Variants in GRID2 observed in about 807,000 individuals in gnomAD.
GRID2 encodes the protein glutamate ionotropic receptor delta type subunit 2, also known as glutamate receptor ionotropic, delta-2.
In GRID2, 33 loss-of-function variants were observed where a neutral mutation model predicts 114.8. The observed-to-expected ratio is 0.29, with a 90% CI of 0.22 to 0.38. The LOEUF is 0.38. GRID2 is among the 10% of genes least tolerant of loss of function. The probability of loss-of-function intolerance (pLI) is 1.00; values close to 1 mark genes in which losing one functional copy is unlikely to be tolerated. For synonymous variants in GRID2, 505 were observed against 449.9 expected (o/e 1.12, Z -1.55); for missense variants, 1,184 against 1,257.7 (o/e 0.94, Z 0.89).
chr4:93,277,277 T>C (rs1222187665), intron 8 of GRID2, among the ~76,000 whole-genome samples: 1 of 151,994 alleles, frequency 6.6e-6, no homozygotes, highest in Non-Finnish European at 1.5e-5. Flanking sequence ...CTGATAATTG[T>C]AACACAATGA....
At chr4:93,024,602 A>G (rs1723710168) in intron 2 of GRID2, among the ~76,000 whole-genome samples, 1 of 151,770 alleles carries the variant, frequency 6.6e-6, no homozygotes, top group Admixed American at 6.6e-5. Flanking sequence ...TATTTTATAT[A>G]TTTTAAAGGT....
chr4:93,222,148 C>T (rs555054433), intron 6 of GRID2, among the ~76,000 whole-genome samples: 15 of 151,998 alleles, frequency 9.9e-5, no homozygotes, highest in East Asian at 1.9e-4. Context: ...AAATAAATTA[C>T]GGGGAAAAAT....
intron 14 of GRID2, among the ~76,000 whole-genome samples, chr4:93,656,061 T>A (rs1722964158): frequency 3.3e-5 from 5 of 151,760 alleles, no homozygotes. Context: ...TATATATATA[T>A]AAATGTATCT....
At chr4:92,927,117 G>A (rs1294702908) in intron 2 of GRID2, among the ~76,000 whole-genome samples, 1 of 151,824 alleles carries the variant, frequency 6.6e-6, no homozygotes, top group Non-Finnish European at 1.5e-5. Context: ...TTATGAACTT[G>A]GAGATAAACC....
intron 2 of GRID2, among the ~76,000 whole-genome samples, chr4:92,819,097 C>A (rs543239358): frequency 7.4e-4 from 112 of 152,110 alleles, no homozygotes; most frequent in African/African-American, 2.6e-3. Flanking sequence ...AACTAGGCAA[C>A]TTTACTCCCA....
At chr4:92,769,840 C>G (rs1738453618) in intron 2 of GRID2, among the ~76,000 whole-genome samples, 2 of 152,158 alleles carry the variant, frequency 1.3e-5, no homozygotes, top group African/African-American at 4.8e-5. Context: ...ATTTATTTCT[C>G]TTAGGCCTTC....
chr4:92,938,332 T>C (rs1250970355), intron 2 of GRID2, among the ~76,000 whole-genome samples: 1 of 146,750 alleles, frequency 6.8e-6, no homozygotes, highest in Non-Finnish European at 1.5e-5. Context: ...TGGCCCATCT[T>C]TCTGGTTTTG....
intron 1 of GRID2, among the ~76,000 whole-genome samples, chr4:92,491,091 T>C (rs1225301347): frequency 6.6e-6 from 1 of 152,188 alleles, no homozygotes; most frequent in Non-Finnish European, 1.5e-5. Context: ...GTAGATCTTA[T>C]ATATCACTGC....
At chr4:93,106,449 C>T (rs1397516109) in intron 3 of GRID2, among the ~76,000 whole-genome samples, 3 of 152,082 alleles carry the variant, frequency 2.0e-5, no homozygotes, top group African/African-American at 7.2e-5. Flanking sequence ...TGGGTTCAAG[C>T]GATTCTCCTG....
intron 14 of GRID2, among the ~76,000 whole-genome samples, chr4:93,680,701 A>C (rs1451633043): frequency 6.6e-6 from 1 of 151,674 alleles, no homozygotes; most frequent in Non-Finnish European, 1.5e-5. Context: ...CAATAGATGC[A>C]GAAAAGGCCT....
At chr4:93,236,056 A>G (rs180915735) in intron 7 of GRID2, among the ~76,000 whole-genome samples, 15 of 152,248 alleles carry the variant, frequency 9.9e-5, no homozygotes, top group Non-Finnish European at 1.5e-5. Context: ...ATTATGAACA[A>G]GAAAAACTTG....
chr4:93,216,682 T>G, intron 5 of GRID2, 56 bp from the exon 6 acceptor site: 1 of 1,111,326 alleles, frequency 9.0e-7, no homozygotes, highest in Non-Finnish European at 1.3e-6. Context: ...CATAATAGGT[T>G]TGTGTTTTGT....
chr4:92,733,181 C>T (rs184769118), intron 2 of GRID2, among the ~76,000 whole-genome samples: 15 of 152,180 alleles, frequency 9.9e-5, no homozygotes, highest in Admixed American at 2.6e-4. Flanking sequence ...GCTACTGTAT[C>T]ACAGCACATT....
intron 10 of GRID2, among the ~76,000 whole-genome samples, chr4:93,440,068 A>C (rs1721480609): frequency 6.6e-6 from 1 of 152,002 alleles, no homozygotes. Context: ...CCCACCACCC[A>C]CTGGGATCAG....
At position 92,935,898 on chromosome 4, in the gene GRID2, G is replaced by A. The variant is rs996748515; in HGVS notation, c.245-149097G>A. 2.0e-4 allele frequency among the ~76,000 whole-genome samples: 29 copies of A among 144,136 alleles called. 3 individuals carry two copies. The highest frequency in any genetic ancestry group is 3.7e-4 in the Non-Finnish European group (24 of 65,496). The allele number at this position is 144,136 out of a possible 152,430, so 94.6% of individuals were successfully genotyped here. On this transcript the variant is annotated intron_variant, in intron 2 of 15. Transcript: ENST00000282020. ...TGGGGACTGTTGTGGGGTGGGGGCT[G>A]GGGGGAGGGATAGCATTAAGAGATA...
chr4:93,666,027 A>C (rs1723917187), intron 14 of GRID2, among the ~76,000 whole-genome samples: 1 of 152,112 alleles, frequency 6.6e-6, no homozygotes, highest in Non-Finnish European at 1.5e-5. Flanking sequence ...TCAACTGACC[A>C]CAAGCCCCTG....
chr4:93,323,380 G>C (rs1004858185), intron 8 of GRID2, among the ~76,000 whole-genome samples: 9 of 151,976 alleles, frequency 5.9e-5, no homozygotes, highest in Non-Finnish European at 1.3e-4. Context: ...TATTTCTGAG[G>C]GCTCTGTTCT....
At chr4:93,730,689 G>A (rs1730403075) in intron 14 of GRID2, among the ~76,000 whole-genome samples, 1 of 152,172 alleles carries the variant, frequency 6.6e-6, no homozygotes, top group Admixed American at 6.5e-5. Flanking sequence ...GCAGGGGGTT[G>A]ACAAGAAAAC....
At chr4:92,664,852 C>T (rs1232734578) in intron 2 of GRID2, among the ~76,000 whole-genome samples, 4 of 150,862 alleles carry the variant, frequency 2.7e-5, no homozygotes, top group East Asian at 3.9e-4. Context: ...TACTCCTGAT[C>T]TCTTTTGGTT....
Sources: allele counts gnomAD v4.1 joint callset (sites outside exome capture counted in the v4.1 genomes callset), GRCh38; gene constraint gnomAD v4.1.1; transcripts MANE v1.5; gene names NCBI Gene and HGNC (gene_info 2026-07-23, HGNC 2026-07-21).